Variants in RARB observed in about 807,000 individuals in gnomAD.
RARB encodes the protein retinoic acid receptor beta.
A neutral mutation model predicts 51.9 loss-of-function variants in RARB; 17 were observed. The ratio of observed to expected loss-of-function variants is 0.33; its 90% CI spans 0.22 to 0.49. The LOEUF (loss-of-function observed/expected upper bound fraction) is 0.49. Ranked by LOEUF, RARB falls within the 20% of genes least tolerant of loss-of-function variation. The pLI, the probability that RARB is intolerant of heterozygous loss-of-function variation, is 0.99. For missense variants in RARB, 369 were observed against 550.8 expected, an observed-to-expected ratio of 0.67 and a Z score of 3.30; for synonymous variants, 215 against 195.4, an observed-to-expected ratio of 1.10 and a Z score of -0.84.
At chr3:25,474,401 T>G (rs915837356) in intron 2 of RARB, among the ~76,000 whole-genome samples, 37 of 152,346 alleles carry the variant, frequency 2.4e-4, no homozygotes, top group African/African-American at 8.9e-4. Context: ...TGCTCTAATT[T>G]ATATGTGTCA....
chr3:24,883,638 C>G (rs1484460840), intron 2 of RARB, among the ~76,000 whole-genome samples: 3 of 152,056 alleles, frequency 2.0e-5, no homozygotes, highest in Non-Finnish European at 4.4e-5. Flanking sequence ...GTGTCAGCAG[C>G]TGGGTGTTGT....
intron 2 of RARB, among the ~76,000 whole-genome samples, chr3:24,892,054 A>G (rs985196046): frequency 6.6e-6 from 1 of 151,982 alleles, no homozygotes; most frequent in East Asian, 1.9e-4. Flanking sequence ...TGAGGGAATA[A>G]CCTATGGGGA....
chr3:25,303,128 C>G (rs1704079374), intron 5 of RARB, among the ~76,000 whole-genome samples: 1 of 152,154 alleles, frequency 6.6e-6, no homozygotes, highest in African/African-American at 2.4e-5. Flanking sequence ...GTCCTTTATA[C>G]AGACAACCTC....
At chr3:25,157,157 C>T (rs568367975) in intron 4 of RARB, among the ~76,000 whole-genome samples, 1 of 152,174 alleles carries the variant, frequency 6.6e-6, no homozygotes, top group South Asian at 2.1e-4. Flanking sequence ...AATAAGGTAT[C>T]TGTTCAAAAC....
intron 5 of RARB, among the ~76,000 whole-genome samples, chr3:25,239,334 T>C (rs1702376231): frequency 6.6e-6 from 1 of 152,238 alleles, no homozygotes; most frequent in Non-Finnish European, 1.5e-5. Flanking sequence ...TTTTTTATTT[T>C]GTTGGCTGTG....
intron 5 of RARB, among the ~76,000 whole-genome samples, chr3:25,302,212 A>T (rs886518981): frequency 2.0e-5 from 3 of 152,242 alleles, no homozygotes; most frequent in African/African-American, 7.2e-5. Flanking sequence ...TTTGGAAAAC[A>T]GTCTGGCATT....
chr3:25,146,683 G>GT (rs144626912), intron 4 of RARB, among the ~76,000 whole-genome samples: 20,573 of 150,808 alleles, frequency 0.14, 1,487 homozygotes, highest in South Asian at 0.23. Flanking sequence ...TTTTTGTGGG[G>GT]TTTTTTTTGT....
intron 1 of RARB, among the ~76,000 whole-genome samples, chr3:25,453,448 T>A (rs1709286568): frequency 6.6e-6 from 1 of 151,978 alleles, no homozygotes; most frequent in South Asian, 2.1e-4. Flanking sequence ...GGTTTCTCCA[T>A]GTTGGTCAGG....
At chr3:25,337,096 A>G (rs1705085745) in intron 5 of RARB, among the ~76,000 whole-genome samples, 1 of 152,176 alleles carries the variant, frequency 6.6e-6, no homozygotes, top group Non-Finnish European at 1.5e-5. Context: ...ATGCCCCTGA[A>G]AAGTGAGAGA....
At chr3:25,339,225 G>C (rs1038753525) in intron 5 of RARB, among the ~76,000 whole-genome samples, 1 of 152,174 alleles carries the variant, frequency 6.6e-6, no homozygotes, top group African/African-American at 2.4e-5. Context: ...TTAGCCTAAA[G>C]CTGCCTCCTT....
intron 5 of RARB, among the ~76,000 whole-genome samples, chr3:25,232,038 G>C (rs1029245725): frequency 6.7e-4 from 102 of 151,952 alleles, no homozygotes; most frequent in African/African-American, 2.5e-3. Context: ...AGATCTATGA[G>C]GTATTGTTTG....
At chr3:24,835,951 G>C (rs1434746206) in intron 1 of RARB, among the ~76,000 whole-genome samples, 1 of 152,136 alleles carries the variant, frequency 6.6e-6, no homozygotes, top group African/African-American at 2.4e-5. Context: ...GTGGTTACTG[G>C]GGAAGCCTGA....
At chr3:25,171,152 C>T (rs567099072) in intron 4 of RARB, among the ~76,000 whole-genome samples, 3 of 152,178 alleles carry the variant, frequency 2.0e-5, no homozygotes, top group African/African-American at 4.8e-5. Flanking sequence ...AATCTCTTGG[C>T]TGGTAGATCC....
At chr3:25,586,969 T>C (rs1204855068) in intron 5 of RARB, among the ~76,000 whole-genome samples, 2 of 152,214 alleles carry the variant, frequency 1.3e-5, no homozygotes, top group Non-Finnish European at 2.9e-5. Context: ...CACCAGGAAT[T>C]GCTGTGGGGT....
rs138797435 is a variant in RARB, at chr3:25,014,131, G to T, written c.-379-45994G>T. 2.9e-3 allele frequency among the ~76,000 whole-genome samples: 436 copies of T among 152,138 alleles called. 3 individuals carry two copies. The highest frequency in any genetic ancestry group is 0.01 in the African/African-American group (421 of 41,528). On this transcript the variant is annotated intron_variant, in intron 2 of 11. Coordinates refer to the RARB transcript ENST00000383772. Reference sequence around the variant, plus strand: ...CTTTTTCCCTTGTTGCTGTATAACTGAGGCCATTTTGTGGCATATGTTTTT... The same window carrying T: ...CTTTTTCCCTTGTTGCTGTATAACTTAGGCCATTTTGTGGCATATGTTTTT...
intron 5 of RARB, among the ~76,000 whole-genome samples, chr3:25,275,800 G>A (rs1158418679): frequency 6.6e-6 from 1 of 151,994 alleles, no homozygotes; most frequent in African/African-American, 2.4e-5. Context: ...GGGAGGGATA[G>A]CATTAGGAGA....
At chr3:24,980,119 G>T (rs1559420259) in intron 2 of RARB, among the ~76,000 whole-genome samples, 1 of 152,214 alleles carries the variant, frequency 6.6e-6, no homozygotes, top group East Asian at 1.9e-4. Context: ...TTGTTTGTAG[G>T]GTTTCTGCAA....
chr3:25,035,235 C>T (rs1697964423), intron 2 of RARB, among the ~76,000 whole-genome samples: 4 of 152,042 alleles, frequency 2.6e-5, no homozygotes, highest in Admixed American at 2.6e-4. Flanking sequence ...AATCCTCCCA[C>T]CTCAGCCTCC....
intron 3 of RARB, among the ~76,000 whole-genome samples, chr3:25,526,956 G>T (rs1342818104): frequency 6.6e-6 from 1 of 152,206 alleles, no homozygotes; most frequent in East Asian, 1.9e-4. Context: ...TGGAAGCAGG[G>T]TGTGTGTGGG....
Sources: allele counts gnomAD v4.1 joint callset (sites outside exome capture counted in the v4.1 genomes callset), GRCh38; gene constraint gnomAD v4.1.1; transcripts MANE v1.5; gene names NCBI Gene and HGNC (gene_info 2026-07-23, HGNC 2026-07-21).